FRMPD4: variants seen among roughly 807,000 people sequenced by gnomAD.
FRMPD4 encodes the protein FERM and PDZ domain-containing protein 4.
In FRMPD4, 22 loss-of-function variants were observed where a neutral mutation model predicts 94.1. The ratio of observed to expected loss-of-function variants is 0.23; its 90% CI spans 0.17 to 0.33. FRMPD4 has a LOEUF of 0.33. Among genes scored for constraint, FRMPD4 ranks in the 10% least tolerant of loss-of-function variants. FRMPD4 has a pLI of 1.00. For synonymous variants in FRMPD4, 631 were observed against 548.6 expected (o/e 1.15, Z -2.10); for missense variants, 1,111 against 1,339.9 (o/e 0.83, Z 2.67).
intron 1 of FRMPD4, among the ~76,000 whole-genome samples, chrX:12,262,931 A>T (rs1443262377): frequency 8.9e-6 from 1 of 111,748 alleles, no homozygotes; most frequent in Non-Finnish European, 1.9e-5. Context: ...GTCCTTGTAG[A>T]TATCTGGCTA....
chrX:12,025,406 A>C (rs1330723124), intron 3 of FRMPD4, among the ~76,000 whole-genome samples: 1 of 110,705 alleles, frequency 9.0e-6, no homozygotes, highest in African/African-American at 3.3e-5. Context: ...TAAGAAAAAA[A>C]AAAGGAACTC....
chrX:12,305,747 T>TTTTTTTTTTTTTTTG lies in FRMPD4; in HGVS notation c.41+166735_41+166736insTTTTTTTTTTTTTTG, dbSNP rs1569225517. Among the ~76,000 whole-genome samples the TTTTTTTTTTTTTTTG allele has an allele frequency of 3.3e-5, 3 of 91,725 alleles. No homozygotes were observed. The Admixed American group carries it at 4.0e-4, about 12-fold the overall frequency. The allele number at this position is 91,725 out of a possible 115,157, so 79.7% of individuals were successfully genotyped here. On this transcript the variant is annotated intron_variant, in intron 1 of 16. Transcript: ENST00000675598. ...TAAGTTTTTTTTTTTTTTTTTTTTTTACAGAGACAGGGTCTCACTATGTTG... is the reference window on the plus strand; with the variant it reads ...TAAGTTTTTTTTTTTTTTTTTTTTTTTTTTTTTTTTTTTTGACAGAGACAGGGTCTCACTATGTTG...
At chrX:12,709,518 T>C (rs2041943290) in intron 13 of FRMPD4, among the ~76,000 whole-genome samples, 1 of 111,753 alleles carries the variant, frequency 8.9e-6, no homozygotes, top group Non-Finnish European at 1.9e-5. Context: ...AGGCCTTTTC[T>C]CAACTCCCAT....
intron 3 of FRMPD4, among the ~76,000 whole-genome samples, chrX:12,077,053 GT>G (rs761700513): frequency 6.3e-5 from 7 of 110,698 alleles, no homozygotes; most frequent in East Asian, 5.7e-4. Context: ...CTCTCATTCT[GT>G]TTTTTTTATT....
chrX:12,171,162 A>T (rs765077738), intron 1 of FRMPD4, among the ~76,000 whole-genome samples: 316 of 111,892 alleles, frequency 2.8e-3, no homozygotes, highest in African/African-American at 9.6e-3. Context: ...AGAGGCTGCT[A>T]ATTTCCAGTA....
chrX:12,137,886 A>G (rs576448918), upstream of FRMPD4, among the ~76,000 whole-genome samples: 5 of 111,987 alleles, frequency 4.5e-5, no homozygotes, highest in South Asian at 1.9e-3. Flanking sequence ...TCTGCGTGGC[A>G]GACCCCATTC....
intron 3 of FRMPD4, among the ~76,000 whole-genome samples, chrX:12,114,071 G>T (rs1425907486): frequency 9.0e-6 from 1 of 110,988 alleles, no homozygotes. Flanking sequence ...CTTCTTTTAT[G>T]CTACCAACTG....
intron 2 of FRMPD4, among the ~76,000 whole-genome samples, chrX:12,541,714 G>C (rs1394059821): frequency 9.8e-5 from 11 of 112,140 alleles, no homozygotes; most frequent in African/African-American, 3.6e-4. Context: ...AATAGAGAAA[G>C]AGGGAATCCT....
chrX:12,312,992 A>G (rs916901694), intron 1 of FRMPD4, among the ~76,000 whole-genome samples: 2 of 111,728 alleles, frequency 1.8e-5, no homozygotes. Context: ...TGGATGGAGA[A>G]TGAGGGAGAT....
intron 3 of FRMPD4, among the ~76,000 whole-genome samples, chrX:11,956,669 A>G (rs187981591): frequency 2.0e-4 from 22 of 112,557 alleles, no homozygotes; most frequent in Middle Eastern, 4.6e-3. Flanking sequence ...ATTCTTCTGT[A>G]CCAGTTGTAA....
At chrX:11,882,313 G>A (rs1303766364) in intron 3 of FRMPD4, among the ~76,000 whole-genome samples, 1 of 111,005 alleles carries the variant, frequency 9.0e-6, no homozygotes, top group Non-Finnish European at 1.9e-5. Flanking sequence ...GTACAAAGGG[G>A]TCGAAGAGTG....
chrX:12,109,045 A>G (rs2055329572), intron 3 of FRMPD4, among the ~76,000 whole-genome samples: 1 of 111,198 alleles, frequency 9.0e-6, no homozygotes, highest in South Asian at 3.8e-4. Context: ...ATATCCAGGA[A>G]TTGAACTCAG....
At chrX:12,719,739 C>G (rs1260059408) in intron 16 of FRMPD4, among the ~76,000 whole-genome samples, 4 of 111,437 alleles carry the variant, frequency 3.6e-5, no homozygotes, top group Non-Finnish European at 7.5e-5. Flanking sequence ...CTAAGTCACA[C>G]TGTTTAATCC....
At position 11,867,732 on chromosome X, in the gene FRMPD4, A is replaced by C. The variant is rs189339221; in HGVS notation, c.-30+2516A>C. Among the ~76,000 whole-genome samples the C allele has an allele frequency of 5.6e-3, 623 of 111,869 alleles. 4 individuals are homozygous for C. The highest frequency in any genetic ancestry group is 0.019 in the African/African-American group (587 of 30,803). Reference sequence around the variant, plus strand: ...CTGTTTGTAGGAGACATTGACTCATAGGCATGCTGGCCAGGGGTTGCAGCT... The same window carrying C: ...CTGTTTGTAGGAGACATTGACTCATCGGCATGCTGGCCAGGGGTTGCAGCT... On this transcript the variant is annotated intron_variant, in intron 2 of 18. Transcript: ENST00000640291.
rs1377066435 is a variant in FRMPD4, at chrX:12,723,440, A to G, written c.*1582A>G. ...TAGTCAGCCATTCCACAGGGACTCA[A>G]CAACAAAAGCCGCACGTGGTTATGG... On this transcript the variant is annotated 3_prime_UTR_variant, in exon 17 of 17. Transcript: ENST00000675598. 8.9e-6 allele frequency: 1 copy of G among 111,769 alleles called. No homozygotes were observed. Among genetic ancestry groups the G allele is most frequent in the Non-Finnish European group, 1.9e-5 (1 of 53,173 alleles). 9.2% of individuals were successfully genotyped at this position (111,769 alleles called of 1,213,427 possible). A position where few individuals can be genotyped will look rare whatever the true frequency, so the allele number is the denominator to read the frequency against.
intron 3 of FRMPD4, among the ~76,000 whole-genome samples, chrX:12,090,612 A>T (rs2055146222): frequency 9.0e-6 from 1 of 110,955 alleles, no homozygotes; most frequent in Non-Finnish European, 1.9e-5. Flanking sequence ...TGTGAAGGGG[A>T]TGTATACACA....
At chrX:12,596,650 A>G (rs1335082396) in intron 2 of FRMPD4, among the ~76,000 whole-genome samples, 1 of 110,685 alleles carries the variant, frequency 9.0e-6, no homozygotes, top group African/African-American at 3.3e-5. Context: ...GACTACCTCC[A>G]AGTGTCCAGG....
At position 12,534,377 on chromosome X, in the gene FRMPD4, C is replaced by T. The variant is rs759274107; in HGVS notation, c.158+35581C>T. ...GGGAAATGTGGGATTGGAGCCCCCC[C>T]ACAGAGTCCCTACTGGGGCACCTCC... On this transcript the variant is annotated intron_variant, in intron 2 of 16. Transcript: ENST00000675598. Among the ~76,000 whole-genome samples, 5 of 112,438 alleles carry T rather than the reference C, an allele frequency of 4.4e-5. No individual in the cohort carries two copies. The South Asian group carries it at 1.5e-3, about 33-fold the overall frequency.
chrX:12,336,306 T>A (rs904925538), intron 1 of FRMPD4, among the ~76,000 whole-genome samples: 2 of 111,954 alleles, frequency 1.8e-5, no homozygotes, highest in Non-Finnish European at 3.8e-5. Flanking sequence ...TATCTGGCAG[T>A]TGGCATAGCT....
Sources: gnomAD v4.1 joint callset for allele counts (sites outside exome capture counted in the v4.1 genomes callset) on GRCh38, gnomAD v4.1.1 for gene constraint, MANE v1.5 for transcripts, NCBI Gene and HGNC (gene_info 2026-07-23, HGNC 2026-07-21) for gene names.